Variants in NOL10 observed in about 807,000 individuals in gnomAD.
The protein encoded by NOL10 is nucleolar protein 10.
Under a neutral mutation model 103.5 loss-of-function variants are expected in NOL10, and 58 were observed. The ratio of observed to expected loss-of-function variants is 0.56; its 90% confidence interval spans 0.45 to 0.70. NOL10 has a LOEUF of 0.70. Ranked by LOEUF, NOL10 falls within the 30% of genes least tolerant of loss-of-function variation. The probability of loss-of-function intolerance (pLI) is 0.00; values close to 1 mark genes in which losing one functional copy is unlikely to be tolerated. For synonymous variants in NOL10, 287 were observed against 282.5 expected (o/e 1.02, Z -0.16); for missense variants, 763 against 807.3 (o/e 0.95, Z 0.67).
Position 10,589,043 on chromosome 2 carries a change from T to C in NOL10, c.1844A>G (p.Asn615Ser). 6.2e-7 allele frequency: 1 copy of C among 1,613,766 alleles called. No individual in the cohort carries two copies. The highest frequency in any genetic ancestry group is 1.3e-5 in the African/African-American group (1 of 75,028). The change falls in exon 19 of 21, where the codon AAC (asparagine) becomes AGC (serine). Residue 615 changes from asparagine to serine, a missense_variant and splice_region_variant. Transcript: ENST00000381685. Reference sequence around the variant, plus strand: ...TGTGCGCTCAGGCAGTGCTACTCACTTCATCAGTTTCTGCTTTGTGGCAGA... The same window carrying C: ...TGTGCGCTCAGGCAGTGCTACTCACCTCATCAGTTTCTGCTTTGTGGCAGA... ...KDSATKQKLM[N>S]KTLEDRLKIE... is the part of the protein sequence containing the mutation.
At chr2:10,659,568 C>G (rs919568694) in intron 9 of NOL10, among the ~76,000 whole-genome samples, 9 of 151,870 alleles carry the variant, frequency 5.9e-5, no homozygotes, top group Admixed American at 5.9e-4. Flanking sequence ...CCTGTTGTCC[C>G]AGCTACTTGG....
chr2:10,644,667 A>T (rs2148282328), intron 12 of NOL10, among the ~76,000 whole-genome samples: 1 of 152,354 alleles, frequency 6.6e-6, no homozygotes, highest in East Asian at 1.9e-4. Flanking sequence ...AGGGACTCTA[A>T]CAGCCCTGAC....
At position 10,592,024 on chromosome 2, in the gene NOL10, AAACC is replaced by A. The variant is rs199909331; in HGVS notation, c.1423-2277_1423-2274del. ...CAAACAAACAAACAAACAAACAAACAAACCAACCCAAAATTGTGCTTCAAAAGTC... is the reference window on the plus strand; with the variant it reads ...CAAACAAACAAACAAACAAACAAACAAACCCAAAATTGTGCTTCAAAAGTC... On this transcript the variant is annotated intron_variant, in intron 17 of 20. Transcript: ENST00000381685. Among the ~76,000 whole-genome samples the A allele has an allele frequency of 7.0e-3, 1,030 of 147,248 alleles. 14 individuals carry two copies. The highest frequency in any genetic ancestry group is 0.039 in the East Asian group (188 of 4,846).
At chr2:10,653,063 G>GACTAC (rs1158926472) in intron 12 of NOL10, among the ~76,000 whole-genome samples, 2 of 152,106 alleles carry the variant, frequency 1.3e-5, no homozygotes, top group African/African-American at 2.4e-5. Context: ...AGGCGTGGTG[G>GACTAC]TGCGTGCCTG....
rs58970211 is a variant in NOL10, at chr2:10,677,839, T to TTG, written c.212-1970_212-1969dup. Among the ~76,000 whole-genome samples, 810 of 146,832 alleles carry TTG rather than the reference T, an allele frequency of 5.5e-3. 13 individuals carry two copies. The highest frequency in any genetic ancestry group is 0.019 in the African/African-American group (758 of 39,416). On this transcript the variant is annotated intron_variant, in intron 3 of 20. Coordinates refer to ENST00000381685, the MANE Select transcript of NOL10 (RefSeq NM_024894.4). ...TCGTATGGCAATAATTTTAATACAT[T>TTG]TGTGTGTGTGTGTGTGTGTGTGTGT... is the stretch of plus-strand genomic sequence containing the variant.
chr2:10,591,381 G>A (rs1281844639), intron 17 of NOL10, among the ~76,000 whole-genome samples: 2 of 152,096 alleles, frequency 1.3e-5, no homozygotes. Flanking sequence ...GGCCCTGGGG[G>A]GTGCAGCATC....
chr2:10,689,756 C>T (rs933477626), intron 1 of NOL10, 40 bp downstream of exon 1: 22 of 1,568,886 alleles, frequency 1.4e-5, no homozygotes, highest in Non-Finnish European at 1.9e-5. Flanking sequence ...GAGGACGACC[C>T]CCAAGAGCTC....
At chr2:10,681,326 AAC>A (rs1201223935) in intron 3 of NOL10, among the ~76,000 whole-genome samples, 1 of 152,240 alleles carries the variant, frequency 6.6e-6, no homozygotes, top group Non-Finnish European at 1.5e-5. Context: ...AACATGTATG[AAC>A]CTCAAATACA....
intron 13 of NOL10, among the ~76,000 whole-genome samples, chr2:10,625,783 C>T (rs534812075): frequency 2.0e-5 from 3 of 152,002 alleles, no homozygotes; most frequent in Non-Finnish European, 2.9e-5. Context: ...GGGTAGAAGA[C>T]GGGTTTGTTA....
intron 11 of NOL10, among the ~76,000 whole-genome samples, chr2:10,655,512 G>GGAAAA (rs1679790022): frequency 1.3e-5 from 2 of 152,100 alleles, no homozygotes; most frequent in Non-Finnish European, 2.9e-5. Flanking sequence ...TAACTGTTGG[G>GGAAAA]GAAAAGTGTT....
chr2:10,673,834 T>C (rs1442769448), intron 4 of NOL10, among the ~76,000 whole-genome samples: 1 of 152,138 alleles, frequency 6.6e-6, no homozygotes, highest in Non-Finnish European at 1.5e-5. Flanking sequence ...TCTGACACTC[T>C]GAGATGTTGA....
intron 5 of NOL10, among the ~76,000 whole-genome samples, chr2:10,672,405 A>G (rs1681009283): frequency 6.6e-6 from 1 of 152,168 alleles, no homozygotes; most frequent in South Asian, 2.1e-4. Context: ...TATACATTTG[A>G]CTTTAGTGTA....
intron 11 of NOL10, among the ~76,000 whole-genome samples, chr2:10,655,265 G>C (rs1415556639): frequency 6.7e-6 from 1 of 149,646 alleles, no homozygotes; most frequent in African/African-American, 2.5e-5. Flanking sequence ...GGAAAGAAAA[G>C]AAGGGAAAGA....
intron 13 of NOL10, among the ~76,000 whole-genome samples, chr2:10,638,931 T>C (rs1228024548): frequency 2.0e-5 from 3 of 150,656 alleles, no homozygotes; most frequent in Non-Finnish European, 4.4e-5. Context: ...GCCTCCTGAG[T>C]AGTTGGGACT....
intron 17 of NOL10, among the ~76,000 whole-genome samples, chr2:10,594,536 C>T (rs1675562560): frequency 6.6e-6 from 1 of 152,174 alleles, no homozygotes; most frequent in East Asian, 1.9e-4. Flanking sequence ...TCTAACCTAT[C>T]TAAACACCTC....
At chr2:10,579,137 C>T (rs188051868) in intron 19 of NOL10, among the ~76,000 whole-genome samples, 70 of 152,308 alleles carry the variant, frequency 4.6e-4, no homozygotes, top group African/African-American at 1.6e-3. Context: ...TGAAATTTAT[C>T]TCTAGTTTAC....
At chr2:10,621,414 T>G (rs79074149) in intron 13 of NOL10, among the ~76,000 whole-genome samples, 1 of 152,066 alleles carries the variant, frequency 6.6e-6, no homozygotes, top group Admixed American at 6.6e-5. Flanking sequence ...GACAACATGG[T>G]GAGACTCCAT....
At chr2:10,629,019 C>A (rs1327498245) in intron 13 of NOL10, among the ~76,000 whole-genome samples, 1 of 152,108 alleles carries the variant, frequency 6.6e-6, no homozygotes, top group Non-Finnish European at 1.5e-5. Context: ...ATATGCCCCC[C>A]AGAGCGAATG....
At chr2:10,646,132 A>G (rs1316710138) in intron 12 of NOL10, among the ~76,000 whole-genome samples, 2 of 152,210 alleles carry the variant, frequency 1.3e-5, no homozygotes, top group African/African-American at 2.4e-5. Context: ...CACCGAGGTC[A>G]TGATGGACAG....
Sources: allele counts gnomAD v4.1 joint callset (sites outside exome capture counted in the v4.1 genomes callset), GRCh38; gene constraint gnomAD v4.1.1; transcripts MANE v1.5; gene names NCBI Gene and HGNC (gene_info 2026-07-23, HGNC 2026-07-21).